Variants in SLC30A8 observed in about 807,000 individuals in gnomAD.
The protein encoded by SLC30A8 is solute carrier family 30 member 8.
A neutral mutation model predicts 36.9 loss-of-function variants in SLC30A8; 27 were observed. The ratio of observed to expected loss-of-function variants is 0.73; its 90% CI spans 0.54 to 1.01. SLC30A8 has a LOEUF of 1.01. SLC30A8 is among the 50% of genes least tolerant of loss of function. The pLI, the probability that SLC30A8 is intolerant of heterozygous loss-of-function variation, is 0.00. For missense variants in SLC30A8, 439 were observed against 452.0 expected, an observed-to-expected ratio of 0.97 and a Z score of 0.26; for synonymous variants, 164 against 172.4, an observed-to-expected ratio of 0.95 and a Z score of 0.38.
chr8:117,132,353 G>A (rs967154465), upstream of SLC30A8, among the ~76,000 whole-genome samples: 8 of 152,016 alleles, frequency 5.3e-5, no homozygotes, highest in Non-Finnish European at 1.2e-4. Flanking sequence ...AGCTAGGACT[G>A]AAGAGCCAAA....
chr8:117,054,096 A>ATATTTTT (rs1586448380), intron 2 of SLC30A8, among the ~76,000 whole-genome samples: 1 of 119,248 alleles, frequency 8.4e-6, no homozygotes. Context: ...TACTGCAAAA[A>ATATTTTT]TCTTTTTTTT....
At chr8:116,966,075 G>C (rs1028299525) in intron 1 of SLC30A8, among the ~76,000 whole-genome samples, 2 of 151,686 alleles carry the variant, frequency 1.3e-5, no homozygotes, top group East Asian at 3.9e-4. Flanking sequence ...GTAGAGACAG[G>C]GTTTCACCAT....
intron 2 of SLC30A8, among the ~76,000 whole-genome samples, chr8:117,115,926 T>C (rs915787343): frequency 5.3e-5 from 8 of 152,054 alleles, no homozygotes; most frequent in African/African-American, 1.7e-4. Flanking sequence ...TGTCTGGAAG[T>C]TGCATTTGCA....
At chr8:117,034,596 G>T (rs1038807935) in intron 1 of SLC30A8, among the ~76,000 whole-genome samples, 1 of 152,192 alleles carries the variant, frequency 6.6e-6, no homozygotes, top group African/African-American at 2.4e-5. Flanking sequence ...TAGAGCTGGG[G>T]TTTGAACCCA....
At chr8:117,027,339 C>T (rs919553907) in intron 1 of SLC30A8, among the ~76,000 whole-genome samples, 7 of 152,312 alleles carry the variant, frequency 4.6e-5, no homozygotes, top group Admixed American at 2.6e-4. Context: ...GAAACTCTTT[C>T]TTGCCCCAGA....
chr8:117,141,528 T>A (rs1487578148), intron 1 of SLC30A8, among the ~76,000 whole-genome samples: 2 of 152,174 alleles, frequency 1.3e-5, no homozygotes, highest in African/African-American at 4.8e-5. Context: ...AAAGCATCCA[T>A]GAAAAACTTG....
chr8:117,102,606 A>ACTCCAAAGG (rs1156997746), intron 2 of SLC30A8, among the ~76,000 whole-genome samples: 1 of 152,016 alleles, frequency 6.6e-6, no homozygotes, highest in African/African-American at 2.4e-5. Flanking sequence ...AGACATGCTC[A>ACTCCAAAGG]CTCCAAAGGC....
At chr8:116,981,808 A>C (rs1815274452) in intron 1 of SLC30A8, among the ~76,000 whole-genome samples, 3 of 152,116 alleles carry the variant, frequency 2.0e-5, no homozygotes, top group Admixed American at 1.3e-4. Flanking sequence ...TTTTAAATCC[A>C]GTCTATGATT....
chr8:117,152,496 C>G (rs1822239324), intron 2 of SLC30A8, among the ~76,000 whole-genome samples: 1 of 152,130 alleles, frequency 6.6e-6, no homozygotes, highest in South Asian at 2.1e-4. Flanking sequence ...GGTAAAGATG[C>G]TGATTAAATT....
intron 2 of SLC30A8, among the ~76,000 whole-genome samples, chr8:117,151,871 A>T (rs1822206601): frequency 6.6e-6 from 1 of 152,234 alleles, no homozygotes; most frequent in South Asian, 2.1e-4. Context: ...TTGGGTAATG[A>T]ATCATTCTGA....
At chr8:116,958,105 T>C (rs951629864) in intron 1 of SLC30A8, among the ~76,000 whole-genome samples, 1 of 152,238 alleles carries the variant, frequency 6.6e-6, no homozygotes, top group African/African-American at 2.4e-5. Context: ...CTTCAACTGA[T>C]GTTGAACACA....
intron 2 of SLC30A8, among the ~76,000 whole-genome samples, chr8:117,110,502 G>A (rs929377803): frequency 3.9e-5 from 6 of 152,308 alleles, no homozygotes; most frequent in East Asian, 1.9e-4. Context: ...CATCAAACTC[G>A]TAGAGCAGGA....
At chr8:117,047,611 A>G (rs1817592569) in intron 2 of SLC30A8, among the ~76,000 whole-genome samples, 1 of 152,082 alleles carries the variant, frequency 6.6e-6, no homozygotes, top group Non-Finnish European at 1.5e-5. Context: ...CTGAGAAGTA[A>G]AAAAGGTCAG....
chr8:117,082,855 A>T (rs144949572), intron 2 of SLC30A8, among the ~76,000 whole-genome samples: 86 of 152,320 alleles, frequency 5.6e-4, no homozygotes, highest in African/African-American at 1.9e-3. Context: ...AGACAAGGAC[A>T]AGAGCTCAGG....
At chr8:117,049,656 C>T (rs1817650739) in intron 2 of SLC30A8, among the ~76,000 whole-genome samples, 1 of 152,212 alleles carries the variant, frequency 6.6e-6, no homozygotes, top group Non-Finnish European at 1.5e-5. Flanking sequence ...GGGCACTGTG[C>T]CCTTCTCCTT....
At chr8:117,002,352 A>G (rs939051158) in intron 1 of SLC30A8, among the ~76,000 whole-genome samples, 4 of 152,184 alleles carry the variant, frequency 2.6e-5, no homozygotes, top group Non-Finnish European at 4.4e-5. Flanking sequence ...TCTTTCTGTT[A>G]CAAATTACAT....
chr8:116,976,045 T>A (rs1039443216), intron 1 of SLC30A8, among the ~76,000 whole-genome samples: 2 of 152,140 alleles, frequency 1.3e-5, no homozygotes, highest in African/African-American at 2.4e-5. Context: ...TTAGGAAGCT[T>A]GTCCAGAAGA....
At position 117,152,998 on chromosome 8, in the gene SLC30A8, T is replaced by C. The variant is rs139423387; in HGVS notation, c.326T>C (p.Ile109Thr). The change falls in exon 3 of 8, where the codon ATT (isoleucine) becomes ACT (threonine). Residue 109 changes from isoleucine (I) to threonine (T), a missense_variant. Coordinates refer to ENST00000456015, the MANE Select transcript of SLC30A8 (RefSeq NM_173851.3). ...GTCACAGATGCTGCCCACCTCTTAA[T>C]TGACCTGACCAGTTTCCTGCTCAGT... is the stretch of plus-strand genomic sequence containing the variant. ...AVVTDAAHLL[I>T]DLTSFLLSLF... 3 of 1,613,682 alleles carry C rather than the reference T, an allele frequency of 1.9e-6. No homozygotes were observed. The highest frequency in any genetic ancestry group is 1.7e-6 in the Non-Finnish European group (2 of 1,179,678).
intron 2 of SLC30A8, among the ~76,000 whole-genome samples, chr8:117,102,022 G>T (rs1194086324): frequency 6.6e-6 from 1 of 152,074 alleles, no homozygotes; most frequent in Non-Finnish European, 1.5e-5. Flanking sequence ...CCTATATGAA[G>T]TTCTACACAG....
Sources: gnomAD v4.1 joint callset for allele counts (sites outside exome capture counted in the v4.1 genomes callset) on GRCh38, gnomAD v4.1.1 for gene constraint, MANE v1.5 for transcripts, NCBI Gene and HGNC (gene_info 2026-07-23, HGNC 2026-07-21) for gene names.